Variants in SPATA13 observed in about 807,000 individuals in gnomAD.
SPATA13 encodes spermatogenesis associated 13, also known as spermatogenesis-associated protein 13.
Under a neutral mutation model 104.0 loss-of-function variants are expected in SPATA13, and 50 were observed. The observed-to-expected ratio is 0.48, with a 90% CI of 0.38 to 0.61. SPATA13 has a LOEUF of 0.61. Ranked by LOEUF, SPATA13 falls within the 20% of genes least tolerant of loss-of-function variation. The pLI is 0.00. For missense variants in SPATA13, 1,524 were observed against 1,690.6 expected (o/e 0.90, Z 1.73); for synonymous variants, 606 against 667.5 (o/e 0.91, Z 1.42).
intron 1 of SPATA13, among the ~76,000 whole-genome samples, chr13:24,197,137 A>G (rs9511138): frequency 0.44 from 66,777 of 151,994 alleles, 16,505 homozygotes; most frequent in Non-Finnish European, 0.56. Flanking sequence ...TTGAGAAAAG[A>G]CCCATCTTTA....
chr13:24,166,673 A>G (rs866883820), intron 1 of SPATA13, among the ~76,000 whole-genome samples: 1 of 152,106 alleles, frequency 6.6e-6, no homozygotes, highest in Non-Finnish European at 1.5e-5. Context: ...GGGGCCCAGC[A>G]ATCTGTTTTT....
intron 3 of SPATA13, among the ~76,000 whole-genome samples, chr13:24,085,263 C>A (rs1330021018): frequency 6.6e-6 from 1 of 152,180 alleles, no homozygotes; most frequent in Non-Finnish European, 1.5e-5. Flanking sequence ...GCTGGGACTA[C>A]AGGCAGGTGC....
intron 3 of SPATA13, among the ~76,000 whole-genome samples, chr13:24,102,137 C>A (rs933359196): frequency 1.3e-5 from 2 of 152,204 alleles, no homozygotes; most frequent in African/African-American, 4.8e-5. Context: ...TCCTTAGCAG[C>A]AGTTGTTATT....
intron 1 of SPATA13, among the ~76,000 whole-genome samples, chr13:24,184,625 G>A (rs1321985056): frequency 6.6e-6 from 1 of 152,148 alleles, no homozygotes; most frequent in East Asian, 1.9e-4. Flanking sequence ...CTGGGCAACA[G>A]CATGAACTCA....
rs151255703 is a variant in SPATA13 at position 24,202,899 on chromosome 13, C to T, written c.-111-19920C>T. Among the ~76,000 whole-genome samples the T allele has an allele frequency of 1.0e-3, 152 of 152,040 alleles. 2 individuals carry two copies. In the East Asian group the frequency reaches 0.027, roughly 27 times the overall value. ...TTGCCCAATTTAGGAGTGGAGAAGT[C>T]GACAAGCAAACAGGAAAACCCTAAC... On this transcript the variant is annotated intron_variant, in intron 1 of 12. Coordinates refer to ENST00000382108, the MANE Select transcript of SPATA13 (RefSeq NM_001166271.3).
chr13:24,020,673 C>T (rs1012804037), intron 3 of SPATA13, among the ~76,000 whole-genome samples: 7 of 152,198 alleles, frequency 4.6e-5, no homozygotes, highest in African/African-American at 1.4e-4. Context: ...AATTAAGAGA[C>T]ATTTCAGTTA....
At chr13:24,046,217 C>T (rs1261759294) in intron 3 of SPATA13, among the ~76,000 whole-genome samples, 1 of 151,944 alleles carries the variant, frequency 6.6e-6, no homozygotes, top group Non-Finnish European at 1.5e-5. Flanking sequence ...CAGAAATCCT[C>T]CTCCTGTCAC....
intron 2 of SPATA13, among the ~76,000 whole-genome samples, chr13:24,235,862 TA>T (rs546460665): frequency 5.3e-5 from 8 of 152,372 alleles, no homozygotes; most frequent in Non-Finnish European, 1.0e-4. Flanking sequence ...TTTGGGATTT[TA>T]AAAAAGTAAC....
chr13:24,035,154 A>G (rs1478729531), intron 3 of SPATA13: 1 of 152,102 alleles, frequency 6.6e-6, no homozygotes, highest in African/African-American at 2.4e-5. Context: ...TACTTTCTAT[A>G]TGTTTTTGTT....
chr13:24,304,959 T>G lies in SPATA13; in HGVS notation c.*2186T>G, dbSNP rs1396046205. ...GATATATGTTGGAAACTACTTAATA[T>G]GCTTTTCCTGCACACCTTAGCAATA... On this transcript the variant is annotated 3_prime_UTR_variant, in exon 13 of 13. Coordinates refer to ENST00000382108, the MANE Select transcript of SPATA13 (RefSeq NM_001166271.3). 1 of 152,264 alleles carries G rather than the reference T, an allele frequency of 6.6e-6. No homozygotes were observed. The highest frequency in any genetic ancestry group is 1.5e-5 in the Non-Finnish European group (1 of 68,044). 9.4% of individuals were successfully genotyped at this position (152,264 alleles called of 1,614,324 possible).
chr13:24,045,323 A>G (rs1430314927), intron 3 of SPATA13, among the ~76,000 whole-genome samples: 3 of 152,184 alleles, frequency 2.0e-5, no homozygotes, highest in Non-Finnish European at 2.9e-5. Context: ...TTCCCTTTCT[A>G]TGAGGTTTTA....
intron 3 of SPATA13, among the ~76,000 whole-genome samples, chr13:24,082,840 A>T (rs913616564): frequency 2.0e-5 from 3 of 150,518 alleles, no homozygotes; most frequent in Admixed American, 6.6e-5. Context: ...AAAAAAAAAA[A>T]AAAAAAAAAA....
At chr13:24,117,807 G>C (rs919519656) in intron 3 of SPATA13, among the ~76,000 whole-genome samples, 2 of 152,184 alleles carry the variant, frequency 1.3e-5, no homozygotes, top group African/African-American at 4.8e-5. Flanking sequence ...TCTGCCTAGA[G>C]CTGGAATGTC....
At chr13:24,261,230 A>G (rs1874047602) in intron 4 of SPATA13, among the ~76,000 whole-genome samples, 1 of 152,240 alleles carries the variant, frequency 6.6e-6, no homozygotes, top group African/African-American at 2.4e-5. Flanking sequence ...GGAGATATGA[A>G]GAACCGAGAG....
At chr13:24,189,870 T>TATG (rs374413770) in intron 1 of SPATA13, among the ~76,000 whole-genome samples, 21,987 of 36,856 alleles carry the variant, frequency 0.6, 8,932 homozygotes, top group Non-Finnish European at 0.89. Flanking sequence ...TCATATATAA[T>TATG]ATAATTATAT....
intron 4 of SPATA13, among the ~76,000 whole-genome samples, chr13:24,283,697 A>T (rs1875715483): frequency 6.6e-6 from 1 of 152,196 alleles, no homozygotes; most frequent in South Asian, 2.1e-4. Flanking sequence ...CACTGTTGGG[A>T]TGTACTGGTT....
intron 3 of SPATA13, among the ~76,000 whole-genome samples, chr13:24,066,363 A>T (rs1333271936): frequency 4.6e-5 from 7 of 152,168 alleles, no homozygotes; most frequent in Non-Finnish European, 1.0e-4. Context: ...CCCAGTTTGC[A>T]GATGGGGAAA....
intron 1 of SPATA13, among the ~76,000 whole-genome samples, chr13:24,192,963 C>A (rs9511125): frequency 0.42 from 64,597 of 152,010 alleles, 16,017 homozygotes; most frequent in Non-Finnish European, 0.56. Flanking sequence ...CTCAAAACAC[C>A]AAGCACTGTA....
intron 3 of SPATA13, among the ~76,000 whole-genome samples, chr13:24,077,034 G>A (rs1384820311): frequency 6.6e-6 from 1 of 152,014 alleles, no homozygotes; most frequent in Non-Finnish European, 1.5e-5. Flanking sequence ...TAACGAGCCA[G>A]TTTTCATTAT....
Sources: gnomAD v4.1 joint callset for allele counts (sites outside exome capture counted in the v4.1 genomes callset) on GRCh38, gnomAD v4.1.1 for gene constraint, MANE v1.5 for transcripts, NCBI Gene and HGNC (gene_info 2026-07-23, HGNC 2026-07-21) for gene names.